C1orf146: variants seen among roughly 807,000 people sequenced by gnomAD.
C1orf146 encodes chromosome 1 open reading frame 146.
Under a neutral mutation model 23.0 loss-of-function variants are expected in C1orf146, and 22 were observed. That is an observed-to-expected ratio of 0.96 (90% CI 0.68 to 1.36). The LOEUF is 1.36. Among genes scored for constraint, C1orf146 ranks in the 40% most tolerant of loss-of-function variants. The pLI, the probability that C1orf146 is intolerant of heterozygous loss-of-function variation, is 0.00. For missense variants in C1orf146, 199 were observed against 206.8 expected (o/e 0.96, Z 0.23); for synonymous variants, 59 against 65.3 (o/e 0.90, Z 0.47).
chr1:92,233,521 T>C (rs1337661774), intron 2 of C1orf146, among the ~76,000 whole-genome samples: 3 of 152,130 alleles, frequency 2.0e-5, no homozygotes, highest in African/African-American at 7.2e-5. Flanking sequence ...AGCCTTGTAG[T>C]ATAGTTTGAA....
At chr1:92,236,071 T>C (rs1353175889) in intron 2 of C1orf146, among the ~76,000 whole-genome samples, 2 of 152,112 alleles carry the variant, frequency 1.3e-5, no homozygotes, top group Admixed American at 6.6e-5. Flanking sequence ...CAATTTGCCA[T>C]TCTGTGTCTT....
chr1:92,241,419 C>T (rs1487549730), intron 2 of C1orf146, among the ~76,000 whole-genome samples: 2 of 151,804 alleles, frequency 1.3e-5, no homozygotes, highest in Non-Finnish European at 2.9e-5. Context: ...CCCGGCTGGT[C>T]TTGAACTTCT....
chr1:92,239,403 A>G (rs1055136509), intron 2 of C1orf146, among the ~76,000 whole-genome samples: 1 of 152,198 alleles, frequency 6.6e-6, no homozygotes, highest in African/African-American at 2.4e-5. Context: ...CTGTAAGAAA[A>G]TTAAATTCCT....
At chr1:92,239,750 C>CAA (rs112653982) in intron 2 of C1orf146, among the ~76,000 whole-genome samples, 10 of 129,720 alleles carry the variant, frequency 7.7e-5, no homozygotes, top group African/African-American at 2.5e-4. Flanking sequence ...GACCCTGTCT[C>CAA]AAAAAAAAAA....
chr1:92,229,390 C>T lies in C1orf146; in HGVS notation c.-39-1992C>T, dbSNP rs111388434. On this transcript the variant is annotated intron_variant, in intron 1 of 5. Coordinates refer to ENST00000370375, the MANE Select transcript of C1orf146 (RefSeq NM_001012425.2). ...TCCGGACACCGGAACCGTTCGTTGC[C>T]GATGGTGATGACCTGGCCGTCGGGC... 2.7e-3 allele frequency: 1,467 copies of T among 539,010 alleles called. 17 individuals are homozygous for T. The highest frequency in any genetic ancestry group is 0.026 in the African/African-American group (1,352 of 52,200). The allele number at this position is 539,010 out of a possible 1,614,324, so 33.4% of individuals were successfully genotyped here. A position where few individuals can be genotyped will look rare whatever the true frequency, so the allele number is the denominator to read the frequency against.
chr1:92,244,288 G>A lies in C1orf146; in HGVS notation c.232G>A (p.Glu78Lys), dbSNP rs745428835. Residue 78 changes from glutamate (E) to lysine (K), a missense_variant, in exon 4 of 6, where the codon GAG becomes AAG. Glu to Lys is a moderately conservative substitution (Grantham distance 56). Coordinates refer to ENST00000370375, the MANE Select transcript of C1orf146 (RefSeq NM_001012425.2). The part of the protein sequence containing the change: ...STEEIFLAKI[E>K]KFINIHQNSF... ...TGAAGAAATATTTCTAGCCAAAATT[G>A]AGAAATTTATTAACATTCACCAAAA... 2.5e-6 allele frequency: 4 copies of A among 1,610,548 alleles called. No homozygotes were observed. The highest frequency in any genetic ancestry group is 3.4e-6 in the Non-Finnish European group (4 of 1,177,300).
At chr1:92,236,938 G>T (rs76887018) in intron 2 of C1orf146, among the ~76,000 whole-genome samples, 1 of 151,972 alleles carries the variant, frequency 6.6e-6, no homozygotes, top group Non-Finnish European at 1.5e-5. Flanking sequence ...CGTACTTCTC[G>T]TGCCTTGGCT....
intron 1 of C1orf146, among the ~76,000 whole-genome samples, chr1:92,224,563 G>A (rs941835847): frequency 6.6e-5 from 10 of 152,144 alleles, no homozygotes; most frequent in South Asian, 2.1e-4. Flanking sequence ...GAATGGATCC[G>A]AGTTCATTTT....
chr1:92,237,022 C>G (rs1652295241), intron 2 of C1orf146, among the ~76,000 whole-genome samples: 1 of 152,102 alleles, frequency 6.6e-6, no homozygotes, highest in Non-Finnish European at 1.5e-5. Flanking sequence ...AAATTTTTTT[C>G]AAAGTTTTTA....
intron 1 of C1orf146, among the ~76,000 whole-genome samples, chr1:92,228,141 CA>C (rs2100732523): frequency 6.6e-6 from 1 of 152,322 alleles, no homozygotes; most frequent in South Asian, 2.1e-4. Context: ...CTACATTCCA[CA>C]CTTGTGTTTA....
intron 2 of C1orf146, among the ~76,000 whole-genome samples, chr1:92,239,918 A>G (rs962742903): frequency 1.3e-5 from 2 of 152,210 alleles, no homozygotes; most frequent in African/African-American, 4.8e-5. Flanking sequence ...CTCCTAAGGC[A>G]TCTCTTTTAT....
At chr1:92,224,976 C>T (rs1184476020) in intron 1 of C1orf146, among the ~76,000 whole-genome samples, 2 of 152,074 alleles carry the variant, frequency 1.3e-5, no homozygotes, top group Admixed American at 6.5e-5. Context: ...CTCTTGACCT[C>T]GTGATTTGCC....
At chr1:92,231,515 T>A in intron 2 of C1orf146, 29 bp downstream of exon 2, 1 of 1,517,818 alleles carries the variant, frequency 6.6e-7, no homozygotes, top group Non-Finnish European at 9.0e-7. Flanking sequence ...CACTGATCTT[T>A]AACTTAAAAA....
rs554378537 is a variant in C1orf146 at position 92,219,020 on chromosome 1, G to A, written c.-40+972G>A. Among the ~76,000 whole-genome samples the A allele has an allele frequency of 2.6e-5, 4 of 152,230 alleles. No homozygotes were observed. In the South Asian group the frequency reaches 8.3e-4, roughly 32 times the overall value. ...TACTTCTCTTAGCTTTAGTTAAATT[G>A]TTTTTAAAACCTATGTATAAGGGTG... On this transcript the variant is annotated intron_variant, in intron 1 of 5. Transcript: ENST00000370375.
chr1:92,236,852 A>G (rs1652289988), intron 2 of C1orf146, among the ~76,000 whole-genome samples: 12 of 151,950 alleles, frequency 7.9e-5, no homozygotes, highest in Admixed American at 7.9e-4. Context: ...GCTTCATTTC[A>G]TTCATTTCAT....
chr1:92,235,264 T>G (rs1416839816), intron 2 of C1orf146, among the ~76,000 whole-genome samples: 1 of 152,204 alleles, frequency 6.6e-6, no homozygotes, highest in African/African-American at 2.4e-5. Context: ...TAAATTTCCC[T>G]CTACACACTG....
chr1:92,234,754 G>A (rs1486678497), intron 2 of C1orf146, among the ~76,000 whole-genome samples: 2 of 152,280 alleles, frequency 1.3e-5, no homozygotes, highest in South Asian at 2.1e-4. Flanking sequence ...ACTCTTTTTG[G>A]TTGGTAAGCT....
chr1:92,244,419 T>C (rs1209482133), intron 4 of C1orf146, 34 bp downstream of exon 4: 2 of 1,469,250 alleles, frequency 1.4e-6, no homozygotes, highest in South Asian at 2.6e-5. Context: ...CTTATTTTTC[T>C]TATATTGTAT....
At chr1:92,218,242 G>A (rs1037634611) in intron 1 of C1orf146, among the ~76,000 whole-genome samples, 194 bp downstream of exon 1, 1 of 152,124 alleles carries the variant, frequency 6.6e-6, no homozygotes, top group South Asian at 2.1e-4. Flanking sequence ...GGGCTCCCTC[G>A]GGGTTTTCCC....
Sources: allele counts gnomAD v4.1 joint callset (sites outside exome capture counted in the v4.1 genomes callset), GRCh38; gene constraint gnomAD v4.1.1; transcripts MANE v1.5; gene names NCBI Gene and HGNC (gene_info 2026-07-23, HGNC 2026-07-21).